Variants in OPCML observed in about 807,000 individuals in gnomAD.
OPCML encodes opioid binding protein/cell adhesion molecule like.
A neutral mutation model predicts 37.8 loss-of-function variants in OPCML; 13 were observed. That is an observed-to-expected ratio of 0.34 (90% CI 0.22 to 0.55). The LOEUF is 0.55. Among genes scored for constraint, OPCML ranks in the 20% least tolerant of loss-of-function variants. OPCML has a pLI of 0.91. For missense variants in OPCML, 341 were observed against 435.6 expected (o/e 0.78, Z 1.93); for synonymous variants, 176 against 168.8 (o/e 1.04, Z -0.33).
At chr11:133,007,382 T>C (rs936037255) in intron 1 of OPCML, 116 of 985,470 alleles carry the variant, frequency 1.2e-4, no homozygotes, top group South Asian at 7.0e-4. Flanking sequence ...ACAGAGCAGA[T>C]ACTTGGTGCT....
At chr11:132,578,706 A>T (rs2096456104) in intron 3 of OPCML, among the ~76,000 whole-genome samples, 1 of 152,228 alleles carries the variant, frequency 6.6e-6, no homozygotes, top group Non-Finnish European at 1.5e-5. Context: ...AATAAAGAAA[A>T]CAACAGTGCT....
At chr11:133,433,878 T>A (rs1342640434) in intron 1 of OPCML, among the ~76,000 whole-genome samples, 1 of 152,136 alleles carries the variant, frequency 6.6e-6, no homozygotes, top group Non-Finnish European at 1.5e-5. Context: ...TCCCTCAAAC[T>A]TGCACTCTAG....
chr11:132,874,231 C>T (rs1942923765), intron 2 of OPCML, among the ~76,000 whole-genome samples: 1 of 152,022 alleles, frequency 6.6e-6, no homozygotes, highest in Non-Finnish European at 1.5e-5. Context: ...TTATTATTTT[C>T]AGTGATAAAC....
At chr11:132,645,076 C>A (rs1305469255) in intron 3 of OPCML, among the ~76,000 whole-genome samples, 2 of 152,220 alleles carry the variant, frequency 1.3e-5, no homozygotes, top group Non-Finnish European at 2.9e-5. Context: ...TCCAGCTCTG[C>A]CTGCCAGGGC....
chr11:133,145,169 A>C, intron 1 of OPCML, among the ~76,000 whole-genome samples: 1 of 152,214 alleles, frequency 6.6e-6, no homozygotes, highest in East Asian at 1.9e-4. Flanking sequence ...GTTGTCTACT[A>C]TTAATTAATC....
intron 1 of OPCML, among the ~76,000 whole-genome samples, chr11:133,132,100 C>T (rs1949613565): frequency 6.6e-6 from 1 of 152,080 alleles, no homozygotes. Flanking sequence ...AACTAAAAGA[C>T]AAATACCACT....
chr11:133,269,519 AC>A (rs1428116355), intron 1 of OPCML, among the ~76,000 whole-genome samples: 1 of 152,162 alleles, frequency 6.6e-6, no homozygotes, highest in Non-Finnish European at 1.5e-5. Context: ...CATAGACTGA[AC>A]TTTATTACTC....
intron 2 of OPCML, among the ~76,000 whole-genome samples, chr11:132,922,510 A>C (rs7946433): frequency 0.24 from 36,520 of 151,612 alleles, 7,101 homozygotes; most frequent in African/African-American, 0.53. Context: ...GGAGACCCCG[A>C]GGAAAGAGGA....
chr11:133,245,014 T>C (rs533449105), intron 1 of OPCML, among the ~76,000 whole-genome samples: 2 of 152,308 alleles, frequency 1.3e-5, no homozygotes, highest in East Asian at 3.9e-4. Flanking sequence ...AGGCAGTCCA[T>C]GAGGATGTGT....
chr11:132,581,258 T>C (rs1009387414), intron 3 of OPCML, among the ~76,000 whole-genome samples: 8 of 152,170 alleles, frequency 5.3e-5, no homozygotes, highest in African/African-American at 1.7e-4. Context: ...ATTTTGTGTT[T>C]CCAGCTATAT....
intron 2 of OPCML, among the ~76,000 whole-genome samples, chr11:132,894,132 T>C (rs1943750228): frequency 2.0e-5 from 3 of 152,196 alleles, no homozygotes; most frequent in African/African-American, 7.2e-5. Context: ...GTCTACTCAT[T>C]TAAGTCTGGT....
At chr11:133,063,001 G>A (rs547484486) in intron 1 of OPCML, among the ~76,000 whole-genome samples, 24 of 152,282 alleles carry the variant, frequency 1.6e-4, no homozygotes, top group Non-Finnish European at 3.1e-4. Context: ...CCTGTCCAGT[G>A]CCTCCCATGG....
intron 3 of OPCML, among the ~76,000 whole-genome samples, chr11:132,569,601 G>T (rs1226352807): frequency 1.3e-5 from 2 of 152,130 alleles, no homozygotes; most frequent in Non-Finnish European, 2.9e-5. Context: ...GCAGTAGGGG[G>T]TAGCCTCATT....
intron 1 of OPCML, among the ~76,000 whole-genome samples, chr11:133,084,140 G>A (rs557575816): frequency 6.6e-6 from 1 of 152,184 alleles, no homozygotes; most frequent in East Asian, 1.9e-4. Flanking sequence ...CTGTAGGGCA[G>A]GCCTTATTGG....
chr11:133,424,408 A>G (rs2136901928), intron 1 of OPCML, among the ~76,000 whole-genome samples: 1 of 152,356 alleles, frequency 6.6e-6, no homozygotes, highest in Admixed American at 6.5e-5. Flanking sequence ...CTGTAATCTT[A>G]TAACCCTGAG....
intron 2 of OPCML, among the ~76,000 whole-genome samples, chr11:132,740,977 G>A (rs902515935): frequency 4.6e-5 from 7 of 152,168 alleles, no homozygotes; most frequent in Non-Finnish European, 8.8e-5. Flanking sequence ...ATGTGATGAA[G>A]GGACAGTATG....
chr11:133,433,965 G>C (rs1454968529), intron 1 of OPCML, among the ~76,000 whole-genome samples: 1 of 152,102 alleles, frequency 6.6e-6, no homozygotes, highest in Non-Finnish European at 1.5e-5. Context: ...ATATTGTTTT[G>C]TTGCTTTGTG....
chr11:133,414,737 CCACAT>C (rs1328303966), intron 1 of OPCML, among the ~76,000 whole-genome samples: 1 of 152,114 alleles, frequency 6.6e-6, no homozygotes, highest in Non-Finnish European at 1.5e-5. Flanking sequence ...CTCTTCCCTG[CCACAT>C]CAGCACAGTG....
At chr11:133,154,592 A>G (rs555637751) in intron 1 of OPCML, among the ~76,000 whole-genome samples, 1 of 119,048 alleles carries the variant, frequency 8.4e-6, no homozygotes, top group African/African-American at 3.2e-5. Context: ...GTAAAAAAAA[A>G]CAGTATCTTA....
Sources: gnomAD v4.1 joint callset for allele counts (sites outside exome capture counted in the v4.1 genomes callset) on GRCh38, gnomAD v4.1.1 for gene constraint, MANE v1.5 for transcripts, NCBI Gene and HGNC (gene_info 2026-07-23, HGNC 2026-07-21) for gene names.